Variants in HS3ST5 observed in about 807,000 individuals in gnomAD.
The protein encoded by HS3ST5 is heparan sulfate-glucosamine 3-sulfotransferase 5, also known as heparan sulfate glucosamine 3-O-sulfotransferase 5.
HS3ST5 carries 10 observed loss-of-function variants against 25.4 expected under a neutral mutation model. The observed-to-expected ratio is 0.39, with a 90% CI of 0.24 to 0.67. The LOEUF is 0.67. Among genes scored for constraint, HS3ST5 ranks in the 30% least tolerant of loss-of-function variants. HS3ST5 has a pLI of 0.44. For missense variants in HS3ST5, 324 were observed against 420.7 expected (o/e 0.77, Z 2.01); for synonymous variants, 170 against 162.4 (o/e 1.05, Z -0.36).
intron 1 of HS3ST5, among the ~76,000 whole-genome samples, chr6:114,306,894 G>C (rs1039388972): frequency 6.6e-6 from 1 of 152,060 alleles, no homozygotes; most frequent in Non-Finnish European, 1.5e-5. Flanking sequence ...TAGGACATAC[G>C]ATCACTTATT....
At chr6:114,231,519 T>A (rs62415810) in intron 1 of HS3ST5, 8,676 of 152,204 alleles carry the variant, frequency 0.057, 300 homozygotes, top group African/African-American at 0.078. Context: ...TAATACAAAG[T>A]CCAAGGTCCT....
At chr6:114,255,475 C>A (rs962942301) in intron 1 of HS3ST5, among the ~76,000 whole-genome samples, 2 of 152,160 alleles carry the variant, frequency 1.3e-5, no homozygotes, top group African/African-American at 2.4e-5. Context: ...TGGTGGCCCT[C>A]TTCTCACAGC....
intron 3 of HS3ST5, among the ~76,000 whole-genome samples, chr6:114,152,174 G>A (rs546950168): frequency 4.5e-4 from 69 of 152,090 alleles, no homozygotes; most frequent in Non-Finnish European, 9.0e-4. Context: ...GACGCACTTC[G>A]GCCTCCCAAA....
chr6:114,161,598 G>A (rs1443574886), intron 3 of HS3ST5, among the ~76,000 whole-genome samples: 5 of 129,116 alleles, frequency 3.9e-5, no homozygotes, highest in African/African-American at 1.4e-4. Context: ...GTGTATGTGT[G>A]TATGTGTTAG....
intron 2 of HS3ST5, chr6:114,220,817 T>C (rs1490305728): frequency 6.6e-6 from 1 of 151,968 alleles, no homozygotes; most frequent in African/African-American, 2.4e-5. Flanking sequence ...AAAAGTCTAA[T>C]TCCAGTTGTG....
At chr6:114,260,867 A>G (rs1482204368) in intron 1 of HS3ST5, among the ~76,000 whole-genome samples, 1 of 152,182 alleles carries the variant, frequency 6.6e-6, no homozygotes, top group African/African-American at 2.4e-5. Flanking sequence ...AGGAAGCTGG[A>G]GAGGAGTGCA....
intron 1 of HS3ST5, among the ~76,000 whole-genome samples, chr6:114,300,275 T>G (rs1775016242): frequency 6.6e-6 from 1 of 152,150 alleles, no homozygotes; most frequent in Non-Finnish European, 1.5e-5. Flanking sequence ...GAAAAGAGTT[T>G]TGTATATATA....
At chr6:114,098,734 C>A (rs547614312) in intron 3 of HS3ST5, among the ~76,000 whole-genome samples, 2 of 151,872 alleles carry the variant, frequency 1.3e-5, no homozygotes, top group African/African-American at 4.8e-5. Flanking sequence ...AATTTGCATT[C>A]ATCTTAGAAT....
chr6:114,340,436 T>C (rs1419614604), intron 1 of HS3ST5: 2 of 152,234 alleles, frequency 1.3e-5, no homozygotes, highest in African/African-American at 4.8e-5. Flanking sequence ...TTTTTCACTG[T>C]TAAAACACTG....
chr6:114,280,836 T>C (rs999686718), intron 1 of HS3ST5, among the ~76,000 whole-genome samples: 5 of 151,926 alleles, frequency 3.3e-5, no homozygotes, highest in Admixed American at 6.6e-5. Context: ...GCTGAAGTAA[T>C]AAATAAGTAA....
chr6:114,275,861 G>T (rs1773828837), intron 1 of HS3ST5, among the ~76,000 whole-genome samples: 1 of 151,822 alleles, frequency 6.6e-6, no homozygotes, highest in African/African-American at 2.4e-5. Flanking sequence ...ACAAAACCTG[G>T]TGCAGGTCTT....
intron 3 of HS3ST5, among the ~76,000 whole-genome samples, chr6:114,120,980 C>A (rs561620073): frequency 1.3e-5 from 2 of 152,288 alleles, no homozygotes; most frequent in South Asian, 4.1e-4. Flanking sequence ...TATTATAAGC[C>A]AAACAGCTAA....
At position 114,321,862 on chromosome 6, in the gene HS3ST5, G is replaced by A. The variant is rs185729974; in HGVS notation, c.-339+20333C>T. On this transcript the variant is annotated intron_variant, in intron 1 of 4. Transcript: ENST00000312719. ...AGGAAGGTAAAGAAAAAACAGGCTA[G>A]TCTGACACTTTTTGCTCACTTAATA... Among the ~76,000 whole-genome samples, 877 of 152,244 alleles carry A rather than the reference G, an allele frequency of 5.8e-3. 7 individuals are homozygous for A. The highest frequency in any genetic ancestry group is 9.0e-3 in the Non-Finnish European group (609 of 68,010).
At chr6:114,244,515 C>G (rs1772292451) in intron 1 of HS3ST5, among the ~76,000 whole-genome samples, 1 of 152,116 alleles carries the variant, frequency 6.6e-6, no homozygotes, top group Non-Finnish European at 1.5e-5. Context: ...AAATATCTAG[C>G]TCATTTTTAG....
chr6:114,233,030 T>A (rs1407483030), intron 1 of HS3ST5, among the ~76,000 whole-genome samples: 1 of 151,536 alleles, frequency 6.6e-6, no homozygotes, highest in African/African-American at 2.4e-5. Flanking sequence ...TCTAACTCTC[T>A]AGCCTCATCT....
Position 114,298,703 on chromosome 6 carries a change from A to G in HS3ST5, c.-339+43492T>C, listed in dbSNP as rs1436327739. On this transcript the variant is annotated intron_variant, in intron 1 of 4. Coordinates refer to ENST00000312719, the MANE Select transcript of HS3ST5 (RefSeq NM_153612.4). ...GAAGAACGTGGATTGTGAAGATTTCATGGACATTTATTAGTTCCCCAAATT... is the reference window on the plus strand; with the variant it reads ...GAAGAACGTGGATTGTGAAGATTTCGTGGACATTTATTAGTTCCCCAAATT... Among the ~76,000 whole-genome samples, 6 of 152,356 alleles carry G rather than the reference A, an allele frequency of 3.9e-5. No individual in the cohort carries two copies. The East Asian group carries it at 1.2e-3, about 29-fold the overall frequency.
At chr6:114,214,863 T>C (rs1263686453) in intron 2 of HS3ST5, among the ~76,000 whole-genome samples, 1 of 152,178 alleles carries the variant, frequency 6.6e-6, no homozygotes, top group Non-Finnish European at 1.5e-5. Flanking sequence ...AGTCCCAGCA[T>C]CTAGCATGAC....
intron 1 of HS3ST5, among the ~76,000 whole-genome samples, chr6:114,341,223 G>GAC (rs1491393232): frequency 3.3e-4 from 9 of 27,420 alleles, no homozygotes; most frequent in Admixed American, 2.0e-3. Context: ...GAGAGAGGGG[G>GAC]AGAGAGAGAG....
intron 1 of HS3ST5, among the ~76,000 whole-genome samples, chr6:114,287,673 C>A (rs891566375): frequency 6.6e-6 from 1 of 151,972 alleles, no homozygotes; most frequent in African/African-American, 2.4e-5. Context: ...ATTCAAGAAG[C>A]CTGAAACAAA....
Sources: allele counts gnomAD v4.1 joint callset (sites outside exome capture counted in the v4.1 genomes callset), GRCh38; gene constraint gnomAD v4.1.1; transcripts MANE v1.5; gene names NCBI Gene and HGNC (gene_info 2026-07-23, HGNC 2026-07-21).